FRMPD4: variants seen among roughly 807,000 people sequenced by gnomAD.
FRMPD4 encodes FERM and PDZ domain containing 4.
FRMPD4 carries 22 observed loss-of-function variants against 94.1 expected under a neutral mutation model. That is an observed-to-expected ratio of 0.23 (90% confidence interval 0.17 to 0.33). The LOEUF (loss-of-function observed/expected upper bound fraction) is 0.33. FRMPD4 is among the 10% of genes least tolerant of loss of function. The probability of loss-of-function intolerance (pLI) is 1.00; values close to 1 mark genes in which losing one functional copy is unlikely to be tolerated. For missense variants in FRMPD4, 1,111 were observed against 1,339.9 expected (o/e 0.83, Z 2.67); for synonymous variants, 631 against 548.6 (o/e 1.15, Z -2.10).
intron 3 of FRMPD4, among the ~76,000 whole-genome samples, chrX:12,132,768 G>A (rs1009040640): frequency 1.8e-5 from 2 of 111,095 alleles, no homozygotes; most frequent in East Asian, 5.6e-4. Flanking sequence ...ATCCAGCTAC[G>A]TGGAGTCCCT....
chrX:12,217,499 T>TA (rs2147751354), intron 1 of FRMPD4, among the ~76,000 whole-genome samples: 1 of 112,373 alleles, frequency 8.9e-6, no homozygotes, highest in South Asian at 3.7e-4. Flanking sequence ...TAAAGAACAG[T>TA]AAAAAAGCAG....
At chrX:11,908,366 T>C (rs1166328002) in intron 3 of FRMPD4, among the ~76,000 whole-genome samples, 1 of 112,026 alleles carries the variant, frequency 8.9e-6, no homozygotes, top group East Asian at 2.8e-4. Context: ...AGCCCCTCTA[T>C]GGATCTCTAA....
chrX:12,179,510 G>A (rs776885871), intron 1 of FRMPD4, among the ~76,000 whole-genome samples: 1 of 111,804 alleles, frequency 8.9e-6, no homozygotes, highest in Non-Finnish European at 1.9e-5. Context: ...TAGATTAAAG[G>A]CTTGTAAATC....
rs779712638 is a variant in FRMPD4, at chrX:11,876,572, G to C, written c.-29-1323G>C. 2.7e-5 allele frequency among the ~76,000 whole-genome samples: 3 copies of C among 112,165 alleles called. No homozygotes were observed. The East Asian group carries it at 8.4e-4, about 31-fold the overall frequency. ...ATAAGAAATATGTAACTGAGGAGAAGTGAGCATATTCCAAATAGCAGGATT... is the reference window on the plus strand; with the variant it reads ...ATAAGAAATATGTAACTGAGGAGAACTGAGCATATTCCAAATAGCAGGATT... On this transcript the variant is annotated intron_variant, in intron 2 of 18. Transcript: ENST00000640291.
At position 12,090,015 on chromosome X, in the gene FRMPD4, C is replaced by A. The variant is rs185272296; in HGVS notation, c.95+211997C>A. ...GAATTTGAAGAAGTAGTCTGGAGAA[C>A]ATAACAAGGGCCACAGGAAAAGAAG... On this transcript the variant is annotated intron_variant, in intron 3 of 18. Transcript: ENST00000640291. Among the ~76,000 whole-genome samples, 588 of 111,480 alleles carry A rather than the reference C, an allele frequency of 5.3e-3. 3 individuals carry two copies. Among genetic ancestry groups the A allele is most frequent in the African/African-American group, 0.019 (567 of 30,636 alleles).
chrX:12,238,429 G>A (rs747311917), intron 1 of FRMPD4, among the ~76,000 whole-genome samples: 131 of 111,765 alleles, frequency 1.2e-3, no homozygotes, highest in African/African-American at 4.1e-3. Context: ...ATGAGCCACC[G>A]CGTCCAGCCC....
intron 2 of FRMPD4, among the ~76,000 whole-genome samples, chrX:12,546,900 C>T (rs1286296141): frequency 9.4e-6 from 1 of 106,052 alleles, no homozygotes; most frequent in African/African-American, 3.5e-5. Context: ...GCTTGTAATC[C>T]CAGCAGTTTG....
At chrX:12,023,382 C>T (rs2054642293) in intron 3 of FRMPD4, among the ~76,000 whole-genome samples, 1 of 111,756 alleles carries the variant, frequency 8.9e-6, no homozygotes, top group African/African-American at 3.3e-5. Flanking sequence ...TCCCTCATCT[C>T]CTGGACTCAA....
chrX:12,102,994 T>C (rs1201551611), intron 3 of FRMPD4, among the ~76,000 whole-genome samples: 2 of 111,615 alleles, frequency 1.8e-5, no homozygotes, highest in African/African-American at 6.5e-5. Flanking sequence ...TCTTTTGTCA[T>C]ATCAGGTATT....
chrX:12,537,938 G>C (rs2058359051), intron 2 of FRMPD4, among the ~76,000 whole-genome samples: 1 of 111,182 alleles, frequency 9.0e-6, no homozygotes, highest in Non-Finnish European at 1.9e-5. Flanking sequence ...TGTGAGTGAT[G>C]CAGAAGACAG....
At chrX:12,379,642 CGTGTGTGTGTGT>C (rs55742933) in intron 1 of FRMPD4, among the ~76,000 whole-genome samples, 186 of 89,971 alleles carry the variant, frequency 2.1e-3, no homozygotes, top group Middle Eastern at 5.6e-3. Context: ...GATATGCTGC[CGTGTGTGTGTGT>C]GTGTGTGTGT....
chrX:11,914,278 ATGACTTTTTTTTCTTTT>A (rs1384470599), intron 3 of FRMPD4, among the ~76,000 whole-genome samples: 2 of 102,938 alleles, frequency 1.9e-5, no homozygotes, highest in Non-Finnish European at 4.0e-5. Context: ...ACGTAGAAAT[ATGACTTTTTTTTCTTTT>A]TTTTTTTTTT....
At chrX:12,079,592 T>C (rs1191268576) in intron 3 of FRMPD4, among the ~76,000 whole-genome samples, 1 of 111,882 alleles carries the variant, frequency 8.9e-6, no homozygotes, top group East Asian at 2.8e-4. Context: ...CTATTAGAAA[T>C]TGCAATTTGT....
At chrX:12,422,598 T>G (rs1264081419) in intron 1 of FRMPD4, among the ~76,000 whole-genome samples, 1 of 112,094 alleles carries the variant, frequency 8.9e-6, no homozygotes, top group African/African-American at 3.2e-5. Flanking sequence ...AGTAATGGCT[T>G]TCAGAATGAT....
intron 1 of FRMPD4, among the ~76,000 whole-genome samples, chrX:12,155,662 T>C (rs1309133535): frequency 1.8e-5 from 2 of 109,192 alleles, no homozygotes; most frequent in African/African-American, 6.7e-5. Flanking sequence ...ATGCCTCTTT[T>C]TTTGAGAGGG....
At chrX:12,539,094 G>A (rs1293523007) in intron 2 of FRMPD4, among the ~76,000 whole-genome samples, 1 of 112,097 alleles carries the variant, frequency 8.9e-6, no homozygotes, top group African/African-American at 3.2e-5. Flanking sequence ...GTCCTTAAAC[G>A]ACCTGATGGA....
At position 12,682,009 on chromosome X, in the gene FRMPD4, A is replaced by G. The variant is rs189072426; in HGVS notation, c.469-1474A>G. 7.2e-5 allele frequency among the ~76,000 whole-genome samples: 8 copies of G among 111,272 alleles called. 1 individual carries two copies. The East Asian group carries it at 2.2e-3, about 31-fold the overall frequency. On this transcript the variant is annotated intron_variant, in intron 5 of 16. Transcript: ENST00000675598. ...AACTACTAATCTACTTTTTGTCCCT[A>G]TAGATTAGCCTATTCTGGACATTGC...
chrX:12,163,783 G>A (rs866680906), intron 1 of FRMPD4, among the ~76,000 whole-genome samples: 1 of 112,184 alleles, frequency 8.9e-6, no homozygotes. Flanking sequence ...GCACAGGCCC[G>A]CCTTTGATTA....
At chrX:12,011,126 A>G (rs562462873) in intron 3 of FRMPD4, among the ~76,000 whole-genome samples, 1 of 112,242 alleles carries the variant, frequency 8.9e-6, no homozygotes, top group African/African-American at 3.2e-5. Flanking sequence ...AATTACTTTT[A>G]TTTTTGGTTG....
Sources: allele counts gnomAD v4.1 joint callset (sites outside exome capture counted in the v4.1 genomes callset), GRCh38; gene constraint gnomAD v4.1.1; transcripts MANE v1.5; gene names NCBI Gene and HGNC (gene_info 2026-07-23, HGNC 2026-07-21).